Variants in PTPN1 observed in about 807,000 individuals in gnomAD.
PTPN1 encodes protein tyrosine phosphatase non-receptor type 1.
A neutral mutation model predicts 59.9 loss-of-function variants in PTPN1; 12 were observed. That is an observed-to-expected ratio of 0.20 (90% CI 0.13 to 0.32). The LOEUF is 0.32. PTPN1 is among the 10% of genes least tolerant of loss of function. PTPN1 has a pLI of 1.00. For missense variants in PTPN1, 356 were observed against 549.2 expected (o/e 0.65, Z 3.52); for synonymous variants, 178 against 203.6 (o/e 0.87, Z 1.07).
At chr20:50,521,784 T>C (rs1457137350) in intron 1 of PTPN1, among the ~76,000 whole-genome samples, 2 of 152,248 alleles carry the variant, frequency 1.3e-5, no homozygotes, top group African/African-American at 4.8e-5. Context: ...CTCTGGATTC[T>C]GGCCTCTCTT....
chr20:50,575,288 C>T (rs1253257980), intron 5 of PTPN1, among the ~76,000 whole-genome samples: 1 of 152,206 alleles, frequency 6.6e-6, no homozygotes, highest in African/African-American at 2.4e-5. Flanking sequence ...TGCGCGGCAG[C>T]ACCTGGGGGC....
At chr20:50,535,076 T>G (rs901060902) in intron 1 of PTPN1, among the ~76,000 whole-genome samples, 2 of 152,166 alleles carry the variant, frequency 1.3e-5, no homozygotes, top group East Asian at 1.9e-4. Flanking sequence ...CTTCACTTCC[T>G]TCCCAAGCCT....
intron 1 of PTPN1, among the ~76,000 whole-genome samples, chr20:50,531,642 G>T (rs1273323037): frequency 6.6e-6 from 1 of 152,250 alleles, no homozygotes; most frequent in East Asian, 1.9e-4. Flanking sequence ...CTCCCAAAGT[G>T]CTGGGATTAC....
Position 50,553,396 on chromosome 20 carries a change from A to G in PTPN1, c.64-7967A>G, listed in dbSNP as rs558085829. Among the ~76,000 whole-genome samples, 4 of 152,324 alleles carry G rather than the reference A, an allele frequency of 2.6e-5. No individual in the cohort carries two copies. In the South Asian group the frequency reaches 6.2e-4, roughly 24 times the overall value. On this transcript the variant is annotated intron_variant, in intron 1 of 9. Transcript: ENST00000371621. ...GGGTACTAAGGATGAGCAGGCTATG[A>G]CAGAAAGAACTCCAGAAATCTGCAA...
intron 4 of PTPN1, chr20:50,570,959 A>C (rs2082805429): frequency 6.6e-6 from 1 of 152,228 alleles, no homozygotes; most frequent in African/African-American, 2.4e-5. Flanking sequence ...TTTATTCAGA[A>C]ATTACCAGAT....
intron 1 of PTPN1, among the ~76,000 whole-genome samples, chr20:50,515,897 A>G (rs1367095509): frequency 1.3e-5 from 2 of 152,234 alleles, no homozygotes; most frequent in East Asian, 3.8e-4. Flanking sequence ...GTCATGGCCT[A>G]ATGAGGTAAT....
chr20:50,550,004 A>G (rs1447227926), intron 1 of PTPN1, among the ~76,000 whole-genome samples: 1 of 152,222 alleles, frequency 6.6e-6, no homozygotes, highest in African/African-American at 2.4e-5. Context: ...TGTGATTAAC[A>G]AAATTTGTTC....
intron 1 of PTPN1, among the ~76,000 whole-genome samples, chr20:50,529,078 T>C (rs1341367700): frequency 6.6e-6 from 1 of 152,184 alleles, no homozygotes; most frequent in Non-Finnish European, 1.5e-5. Context: ...CCCAGTTATG[T>C]TAATGCTCGA....
chr20:50,519,868 A>G (rs192843369), intron 1 of PTPN1, among the ~76,000 whole-genome samples: 2 of 152,278 alleles, frequency 1.3e-5, no homozygotes, highest in East Asian at 1.9e-4. Flanking sequence ...TAAGGAAGTG[A>G]TAAGTATGTT....
At chr20:50,564,107 A>G (rs1175481167) in intron 2 of PTPN1, among the ~76,000 whole-genome samples, 3 of 152,192 alleles carry the variant, frequency 2.0e-5, no homozygotes, top group Admixed American at 6.5e-5. Flanking sequence ...AGGTCAAGGT[A>G]TGACTTCATG....
intron 1 of PTPN1, among the ~76,000 whole-genome samples, chr20:50,544,461 T>G (rs758284012): frequency 6.6e-6 from 1 of 152,208 alleles, no homozygotes; most frequent in Non-Finnish European, 1.5e-5. Flanking sequence ...CTGCCTGATT[T>G]TTTAAATGTG....
At chr20:50,539,067 C>T (rs2082637081) in intron 1 of PTPN1, among the ~76,000 whole-genome samples, 1 of 121,800 alleles carries the variant, frequency 8.2e-6, no homozygotes, top group Non-Finnish European at 1.6e-5. Flanking sequence ...AAGAGTTTCG[C>T]TCTTGTTGCC....
Position 50,584,623 on chromosome 20 carries a change from C to T in PTPN1, c.*1908C>T, listed in dbSNP as rs1220474206. Reference sequence around the variant, plus strand: ...TGTGTGTGGATACGTGGCTGCATGACCGGGTGGGTGGGGGGGAGTGTCTCA... The same window carrying T: ...TGTGTGTGGATACGTGGCTGCATGATCGGGTGGGTGGGGGGGAGTGTCTCA... On this transcript the variant is annotated 3_prime_UTR_variant, in exon 10 of 10. Coordinates refer to ENST00000371621, the MANE Select transcript of PTPN1 (RefSeq NM_002827.4). The T allele has an allele frequency of 2.0e-5, 2 of 98,798 alleles. No homozygotes were observed. The highest frequency in any genetic ancestry group is 3.9e-5 in the Non-Finnish European group (2 of 51,798). The allele number at this position is 98,798 out of a possible 1,614,324, so 6.1% of individuals were successfully genotyped here. A position where few individuals can be genotyped will look rare whatever the true frequency, so the allele number is the denominator to read the frequency against.
chr20:50,512,384 A>G (rs563929110), intron 1 of PTPN1, among the ~76,000 whole-genome samples: 2 of 152,334 alleles, frequency 1.3e-5, no homozygotes, highest in East Asian at 3.9e-4. Context: ...CTTAGTTCTT[A>G]GTTGAATTTT....
chr20:50,536,184 C>G (rs1476760611), intron 1 of PTPN1, among the ~76,000 whole-genome samples: 1 of 152,196 alleles, frequency 6.6e-6, no homozygotes, highest in Non-Finnish European at 1.5e-5. Context: ...AGACTCAGCT[C>G]TTGAGAGTCA....
chr20:50,569,981 G>T (rs2082799811), intron 4 of PTPN1, among the ~76,000 whole-genome samples: 1 of 152,238 alleles, frequency 6.6e-6, no homozygotes, highest in African/African-American at 2.4e-5. Context: ...CCAGGAGCAG[G>T]GAACTGGGTG....
At chr20:50,573,995 T>C (rs6020608) in intron 4 of PTPN1, 114,158 of 152,332 alleles carry the variant, frequency 0.75, 42,887 homozygotes, top group East Asian at 0.91. Flanking sequence ...CTGGGGAGCC[T>C]GTCTCCAAGC....
chr20:50,568,520 C>T lies in PTPN1; in HGVS notation c.354+42C>T, dbSNP rs1202620610. ...TTTGCTGTGTATGTGATCATGCATA[C>T]CACTCCATATAGTTACCATTTTCGT... On this transcript the variant is annotated intron_variant, in intron 4 of 9. Transcript: ENST00000371621. The surrounding 1 kb of genome is among the most constrained non-coding windows in gnomAD (Gnocchi z 5.6). 1 of 1,442,326 alleles carries T rather than the reference C, an allele frequency of 6.9e-7. No individual in the cohort carries two copies. The highest frequency in any genetic ancestry group is 9.8e-7 in the Non-Finnish European group (1 of 1,023,586). 89.3% of individuals were successfully genotyped at this position (1,442,326 alleles called of 1,614,324 possible). A position where few individuals can be genotyped will look rare whatever the true frequency, so the allele number is the denominator to read the frequency against.
intron 1 of PTPN1, among the ~76,000 whole-genome samples, chr20:50,545,703 A>G (rs1184914390): frequency 6.6e-6 from 1 of 152,014 alleles, no homozygotes; most frequent in African/African-American, 2.4e-5. Context: ...TGGCCTTTGA[A>G]CGATTCATTC....
Sources: gnomAD v4.1 joint callset for allele counts (sites outside exome capture counted in the v4.1 genomes callset) on GRCh38, gnomAD v4.1.1 for gene constraint, Gnocchi (gnomAD v3.1) non-coding constraint, MANE v1.5 for transcripts, NCBI Gene and HGNC (gene_info 2026-07-23, HGNC 2026-07-21) for gene names.